The following FER variants were observed in gnomAD, a reference collection of about 807,000 sequenced individuals.
The protein encoded by FER is tyrosine-protein kinase Fer.
Under a neutral mutation model 111.0 loss-of-function variants are expected in FER, and 63 were observed. That is an observed-to-expected ratio of 0.57 (90% confidence interval 0.46 to 0.70). FER has a LOEUF of 0.70. Ranked by LOEUF, FER falls within the 30% of genes least tolerant of loss-of-function variation. FER has a pLI of 0.00. For missense variants in FER, 914 were observed against 954.0 expected (o/e 0.96, Z 0.55); for synonymous variants, 327 against 313.9 (o/e 1.04, Z -0.44).
At chr5:109,044,337 C>T (rs1418398493) in intron 14 of FER, among the ~76,000 whole-genome samples, 1 of 151,930 alleles carries the variant, frequency 6.6e-6, no homozygotes, top group Non-Finnish European at 1.5e-5. Flanking sequence ...CGCCACCATG[C>T]TCAGCTAATT....
intron 18 of FER, among the ~76,000 whole-genome samples, chr5:109,185,136 C>T (rs1373853856): frequency 2.6e-5 from 4 of 152,058 alleles, no homozygotes; most frequent in Admixed American, 6.6e-5. Context: ...TCCTTTATTC[C>T]ACGTCCATCT....
At chr5:109,052,386 C>CTT in intron 16 of FER, 1 of 1,562,256 alleles carries the variant, frequency 6.4e-7, no homozygotes, top group Non-Finnish European at 8.8e-7. Context: ...CTGACAGCCA[C>CTT]ACCTTCCCTC....
At chr5:109,109,056 C>G (rs1389035655) in intron 17 of FER, among the ~76,000 whole-genome samples, 3 of 152,138 alleles carry the variant, frequency 2.0e-5, no homozygotes, top group Non-Finnish European at 2.9e-5. Flanking sequence ...ATTGCCAACT[C>G]TGATATCTAT....
intron 13 of FER, among the ~76,000 whole-genome samples, chr5:109,030,274 C>T (rs771231440): frequency 6.6e-6 from 1 of 152,060 alleles, no homozygotes; most frequent in South Asian, 2.1e-4. Context: ...GCTTTAAAAT[C>T]CTCGTCAGGT....
intron 8 of FER, among the ~76,000 whole-genome samples, chr5:108,872,825 C>G (rs979900832): frequency 1.3e-5 from 2 of 152,100 alleles, no homozygotes; most frequent in African/African-American, 4.8e-5. Flanking sequence ...AAATATTTAA[C>G]CTATCTCTTG....
chr5:109,100,445 C>CA lies in FER; in HGVS notation c.1977dup (p.Gln660ThrfsTer19). On this transcript the variant is annotated frameshift_variant, in exon 17 of 20. Coordinates refer to ENST00000281092, the MANE Select transcript of FER (RefSeq NM_005246.4). LOFTEE classifies it high-confidence loss of function. ...GAAGGAAGAAGGATGAACTAAAACT[C>CA]AAACAGTTAGTGAAATTTTCATTAG... The CA allele has an allele frequency of 1.9e-6, 3 of 1,611,438 alleles. No homozygotes were observed. The highest frequency in any genetic ancestry group is 1.7e-6 in the Non-Finnish European group (2 of 1,178,142).
At chr5:108,972,527 G>C (rs1561699762) in intron 13 of FER, among the ~76,000 whole-genome samples, 1 of 152,086 alleles carries the variant, frequency 6.6e-6, no homozygotes, top group East Asian at 1.9e-4. Flanking sequence ...CTTTGAAGTA[G>C]TTATGGCATT....
At chr5:108,798,517 AG>A in intron 3 of FER, 128 bp downstream of exon 3, 2 of 792,336 alleles carry the variant, frequency 2.5e-6, no homozygotes, top group South Asian at 3.8e-5. Context: ...AGTTTTACAG[AG>A]TATGAAAATC....
intron 1 of FER, among the ~76,000 whole-genome samples, chr5:108,756,772 T>TAC (rs201971557): frequency 6.6e-6 from 1 of 151,962 alleles, no homozygotes; most frequent in African/African-American, 2.4e-5. Flanking sequence ...TTCTTTCTCC[T>TAC]ACACACACAC....
chr5:108,867,445 T>A (rs936150798), intron 5 of FER, among the ~76,000 whole-genome samples: 1 of 152,148 alleles, frequency 6.6e-6, no homozygotes, highest in African/African-American at 2.4e-5. Flanking sequence ...TTTTACAGTT[T>A]TATGTGCACT....
chr5:108,951,808 C>T (rs561096925), intron 11 of FER, among the ~76,000 whole-genome samples: 1 of 148,494 alleles, frequency 6.7e-6, no homozygotes, highest in East Asian at 1.9e-4. Context: ...TTTGTTTTTG[C>T]CTCCCAAAAA....
At position 109,193,183 on chromosome 5, in the gene FER, G is replaced by A. The variant is rs532857431; in HGVS notation, c.*5608G>A. On this transcript the variant is annotated 3_prime_UTR_variant, in exon 20 of 20. Transcript: ENST00000281092. ...TTACCTACGCTCCCTATAATCTCAG[G>A]AGGTAACCATTATTTAATCAGAATT... The A allele has an allele frequency of 6.6e-6, 1 of 152,168 alleles. No individual in the cohort carries two copies. Among genetic ancestry groups the A allele is most frequent in the African/African-American group, 2.4e-5 (1 of 41,516 alleles). The allele number at this position is 152,168 out of a possible 1,614,324, so 9.4% of individuals were successfully genotyped here. A position where few individuals can be genotyped will look rare whatever the true frequency, so the allele number is the denominator to read the frequency against.
At chr5:108,768,344 T>C (rs1310211650) in intron 2 of FER, 106 bp downstream of exon 2, 1 of 152,262 alleles carries the variant, frequency 6.6e-6, no homozygotes, top group African/African-American at 2.4e-5. Context: ...TGTTAGATTA[T>C]TCTACTGTCT....
At chr5:109,166,134 CT>C (rs796409137) in intron 17 of FER, among the ~76,000 whole-genome samples, 28 of 144,554 alleles carry the variant, frequency 1.9e-4, no homozygotes, top group African/African-American at 5.1e-4. Context: ...ATGAGATTTT[CT>C]TTTTTTTTTT....
chr5:109,004,567 TA>T (rs1765252219), intron 13 of FER, among the ~76,000 whole-genome samples: 1 of 152,334 alleles, frequency 6.6e-6, no homozygotes, highest in East Asian at 1.9e-4. Flanking sequence ...GTCATGGTAA[TA>T]TGCTTACAAA....
At chr5:108,772,330 A>ATC (rs1753001853) in intron 2 of FER, among the ~76,000 whole-genome samples, 1 of 149,852 alleles carries the variant, frequency 6.7e-6, no homozygotes, top group African/African-American at 2.5e-5. Context: ...GTATATATAT[A>ATC]TACACATATA....
Position 109,169,697 on chromosome 5 carries a change from A to G in FER, c.2049-11050A>G, listed in dbSNP as rs539680111. Reference sequence around the variant, plus strand: ...TTCCCCTTTGTATGTTGGGACCAAAACTACTCTAAAAATGCTTTTTGTGAT... The same window carrying G: ...TTCCCCTTTGTATGTTGGGACCAAAGCTACTCTAAAAATGCTTTTTGTGAT... On this transcript the variant is annotated intron_variant, in intron 17 of 19. Transcript: ENST00000281092. Among the ~76,000 whole-genome samples the G allele has an allele frequency of 1.3e-3, 192 of 152,320 alleles. 1 individual carries two copies. Among genetic ancestry groups the G allele is most frequent in the Non-Finnish European group, 2.2e-3 (153 of 68,028 alleles).
chr5:108,785,870 T>G (rs78594605), intron 2 of FER, among the ~76,000 whole-genome samples: 1 of 152,254 alleles, frequency 6.6e-6, no homozygotes, highest in Non-Finnish European at 1.5e-5. Context: ...GCTGTTCTTC[T>G]TGTTGTAGGG....
At chr5:108,816,417 A>G (rs1758289343) in intron 3 of FER, among the ~76,000 whole-genome samples, 1 of 152,196 alleles carries the variant, frequency 6.6e-6, no homozygotes, top group Non-Finnish European at 1.5e-5. Flanking sequence ...GCAAGTTGCA[A>G]CCTTTCTGAA....
Sources: gnomAD v4.1 joint callset for allele counts (sites outside exome capture counted in the v4.1 genomes callset) on GRCh38, gnomAD v4.1.1 for gene constraint, MANE v1.5 for transcripts, NCBI Gene and HGNC (gene_info 2026-07-23, HGNC 2026-07-21) for gene names.